Variants in RBFOX1 observed in about 807,000 individuals in gnomAD.
RBFOX1 encodes RNA binding protein fox-1 homolog 1.
A neutral mutation model predicts 57.7 loss-of-function variants in RBFOX1; 8 were observed. The observed-to-expected ratio is 0.14, with a 90% confidence interval of 0.08 to 0.25. The LOEUF is 0.25. RBFOX1 is among the 10% of genes least tolerant of loss of function. RBFOX1 has a pLI of 1.00. For missense variants in RBFOX1, 611 were observed against 548.5 expected, an observed-to-expected ratio of 1.11 and a Z score of -1.14; for synonymous variants, 326 against 222.4, an observed-to-expected ratio of 1.47 and a Z score of -4.15.
chr16:6,903,488 A>T (rs961321426), intron 3 of RBFOX1, among the ~76,000 whole-genome samples: 5 of 152,188 alleles, frequency 3.3e-5, no homozygotes, highest in African/African-American at 9.7e-5. Context: ...AGTGTTCAGC[A>T]AGTGCTGGTA....
intron 3 of RBFOX1, among the ~76,000 whole-genome samples, chr16:5,670,182 G>T (rs934822997): frequency 2.0e-5 from 3 of 152,078 alleles, no homozygotes; most frequent in Admixed American, 2.0e-4. Flanking sequence ...GGGGCTGGGG[G>T]AGGGGTTTTG....
chr16:6,600,350 G>C (rs933218806), intron 2 of RBFOX1, among the ~76,000 whole-genome samples: 2 of 152,026 alleles, frequency 1.3e-5, no homozygotes, highest in African/African-American at 4.8e-5. Flanking sequence ...ACTGTCAGGA[G>C]GCTGCTCTGC....
intron 1 of RBFOX1, among the ~76,000 whole-genome samples, chr16:5,241,857 T>A (rs1421894154): frequency 6.6e-6 from 1 of 152,000 alleles, no homozygotes; most frequent in East Asian, 1.9e-4. Context: ...TTCCAGCACT[T>A]TGAGAGGCCG....
At chr16:6,283,875 C>T (rs2076638636) in intron 1 of RBFOX1, among the ~76,000 whole-genome samples, 1 of 152,200 alleles carries the variant, frequency 6.6e-6, no homozygotes, top group African/African-American at 2.4e-5. Context: ...CTACTCCTGG[C>T]TTGCCTCACG....
intron 2 of RBFOX1, among the ~76,000 whole-genome samples, chr16:6,575,488 A>G (rs1020480357): frequency 9.2e-5 from 14 of 152,172 alleles, no homozygotes; most frequent in Admixed American, 7.9e-4. Context: ...AGCATCACTG[A>G]TCTTCTAAAT....
chr16:5,850,211 C>T (rs557970425), intron 3 of RBFOX1, among the ~76,000 whole-genome samples: 2 of 152,216 alleles, frequency 1.3e-5, no homozygotes, highest in African/African-American at 4.8e-5. Context: ...GGAGGGGATG[C>T]TGCTTGGCCG....
intron 4 of RBFOX1, among the ~76,000 whole-genome samples, chr16:7,509,231 A>T (rs189393121): frequency 6.6e-6 from 1 of 152,216 alleles, no homozygotes; most frequent in Non-Finnish European, 1.5e-5. Flanking sequence ...CCCCTGGAAT[A>T]TTGCGGTCAT....
At chr16:7,581,296 T>G (rs1366334293) in intron 6 of RBFOX1, among the ~76,000 whole-genome samples, 7 of 152,192 alleles carry the variant, frequency 4.6e-5, no homozygotes, top group Non-Finnish European at 1.0e-4. Flanking sequence ...AGGTCAAAGA[T>G]GACTTTGAAA....
chr16:6,843,367 T>A (rs1224844955), intron 3 of RBFOX1, among the ~76,000 whole-genome samples: 1 of 152,050 alleles, frequency 6.6e-6, no homozygotes, highest in Non-Finnish European at 1.5e-5. Flanking sequence ...ATTCCTTACT[T>A]TTTGTATAGC....
chr16:5,621,132 C>T (rs753797900), intron 3 of RBFOX1, among the ~76,000 whole-genome samples: 13 of 152,184 alleles, frequency 8.5e-5, no homozygotes, highest in Non-Finnish European at 1.3e-4. Context: ...TGAGCCAATG[C>T]GCCCAGCCTG....
intron 4 of RBFOX1, among the ~76,000 whole-genome samples, chr16:7,459,010 A>G (rs1236606506): frequency 6.6e-6 from 1 of 152,206 alleles, no homozygotes; most frequent in Non-Finnish European, 1.5e-5. Flanking sequence ...GATTAAACCT[A>G]TGAATGGATG....
At chr16:6,239,293 G>C (rs1017190067) in intron 1 of RBFOX1, among the ~76,000 whole-genome samples, 14 of 151,942 alleles carry the variant, frequency 9.2e-5, no homozygotes, top group African/African-American at 3.1e-4. Context: ...ACTTCTTACA[G>C]TCCTTGTTGG....
At position 7,226,933 on chromosome 16, in the gene RBFOX1, G is replaced by T. The variant is rs867508286; in HGVS notation, c.27+174835G>T. On this transcript the variant is annotated intron_variant, in intron 4 of 15. Transcript: ENST00000550418. ...CATCTGTGTGTCTATATGTATGGAT[G>T]TATTTACAAAATAACATTTTATGTA... is the stretch of plus-strand genomic sequence containing the variant. Among the ~76,000 whole-genome samples, 13 of 152,306 alleles carry T rather than the reference G, an allele frequency of 8.5e-5. No individual in the cohort carries two copies. In the South Asian group the frequency reaches 2.7e-3, roughly 32 times the overall value.
intron 12 of RBFOX1, among the ~76,000 whole-genome samples, chr16:7,657,552 A>G (rs2066620557): frequency 6.6e-6 from 1 of 152,300 alleles, no homozygotes; most frequent in African/African-American, 2.4e-5. Context: ...TGATCCGCCC[A>G]TCTGGGCCTC....
chr16:5,862,860 A>G (rs1434207201), intron 3 of RBFOX1, among the ~76,000 whole-genome samples: 6 of 152,198 alleles, frequency 3.9e-5, no homozygotes, highest in Admixed American at 3.9e-4. Flanking sequence ...ACTGGTTTGC[A>G]GCATCAGAGC....
chr16:5,791,149 T>A (rs898767869), intron 3 of RBFOX1, among the ~76,000 whole-genome samples: 1 of 152,160 alleles, frequency 6.6e-6, no homozygotes, highest in African/African-American at 2.4e-5. Context: ...ATTACAGGCG[T>A]GAGCCACAGT....
chr16:6,034,661 G>C (rs147390466), intron 1 of RBFOX1, among the ~76,000 whole-genome samples: 1 of 152,198 alleles, frequency 6.6e-6, no homozygotes, highest in Non-Finnish European at 1.5e-5. Context: ...ATTTTGGCGG[G>C]GACACAAACC....
intron 1 of RBFOX1, among the ~76,000 whole-genome samples, chr16:6,024,224 C>G (rs547832210): frequency 2.0e-4 from 30 of 152,218 alleles, no homozygotes; most frequent in African/African-American, 5.8e-4. Context: ...TTGGAATGTA[C>G]CACATGTTAG....
chr16:6,560,665 A>G (rs1366014728), intron 2 of RBFOX1, among the ~76,000 whole-genome samples: 1 of 152,222 alleles, frequency 6.6e-6, no homozygotes, highest in Non-Finnish European at 1.5e-5. Context: ...GTCTTGACTT[A>G]CATTTCAAAT....
Sources: allele counts gnomAD v4.1 joint callset (sites outside exome capture counted in the v4.1 genomes callset), GRCh38; gene constraint gnomAD v4.1.1; transcripts MANE v1.5; gene names NCBI Gene and HGNC (gene_info 2026-07-23, HGNC 2026-07-21).